The following PDZD2 variants were observed in gnomAD, a reference collection of about 807,000 sequenced individuals.
The protein encoded by PDZD2 is PDZ domain-containing protein 2.
In PDZD2, 90 loss-of-function variants were observed where a neutral mutation model predicts 220.7. The observed-to-expected ratio is 0.41, with a 90% confidence interval of 0.34 to 0.49. PDZD2 has a LOEUF of 0.49. Among genes scored for constraint, PDZD2 ranks in the 20% least tolerant of loss-of-function variants. PDZD2 has a pLI of 0.28. For missense variants in PDZD2, 3,174 were observed against 3,608.5 expected, an observed-to-expected ratio of 0.88 and a Z score of 3.08; for synonymous variants, 1,375 against 1,450.5, an observed-to-expected ratio of 0.95 and a Z score of 1.18.
chr5:31,661,109 G>A (rs1446832128), intron 1 of PDZD2, among the ~76,000 whole-genome samples: 1 of 152,188 alleles, frequency 6.6e-6, no homozygotes, highest in Non-Finnish European at 1.5e-5. Context: ...GGCTTGGAAA[G>A]AAACAAATGA....
chr5:32,106,077 TTC>T (rs1348285798), intron 24 of PDZD2: 5 of 152,236 alleles, frequency 3.3e-5, no homozygotes, highest in African/African-American at 7.2e-5. Context: ...TATACTTTAT[TTC>T]TGTTATTACA....
chr5:31,983,625 C>T lies in PDZD2; in HGVS notation c.947C>T (p.Thr316Met), dbSNP rs779783270. 29 of 1,613,812 alleles carry T rather than the reference C, an allele frequency of 1.8e-5. No individual in the cohort carries two copies. Among genetic ancestry groups the T allele is most frequent in the African/African-American group, 4.0e-5 (3 of 74,904 alleles). Residue 316 changes from threonine to methionine, a missense_variant, in exon 3 of 25, where the codon ACG becomes ATG. By Grantham distance (81) the Thr-to-Met change is moderately conservative. Coordinates refer to ENST00000438447, the MANE Select transcript of PDZD2 (RefSeq NM_178140.4). ...DKRRFSKGGK[T>M]DFQSSDCLAR... ...CGCCGCTTCTCAAAAGGTGGGAAGACGGACTTCCAATCGAGTGACTGCCTG... is the reference window on the plus strand; with the variant it reads ...CGCCGCTTCTCAAAAGGTGGGAAGATGGACTTCCAATCGAGTGACTGCCTG...
intron 2 of PDZD2, among the ~76,000 whole-genome samples, chr5:31,921,566 T>C (rs1253084427): frequency 6.6e-6 from 1 of 151,964 alleles, no homozygotes; most frequent in Non-Finnish European, 1.5e-5. Flanking sequence ...GGTCTGCCCC[T>C]GCGGTCCCGG....
chr5:31,939,903 A>G (rs1180151950), intron 2 of PDZD2, among the ~76,000 whole-genome samples: 1 of 152,214 alleles, frequency 6.6e-6, no homozygotes, highest in Non-Finnish European at 1.5e-5. Flanking sequence ...CCTAGAGGAG[A>G]GGAACAGCCA....
chr5:31,688,428 A>G (rs1329682409), intron 1 of PDZD2, among the ~76,000 whole-genome samples: 1 of 152,190 alleles, frequency 6.6e-6, no homozygotes, highest in African/African-American at 2.4e-5. Flanking sequence ...CAGGCTTTAC[A>G]GTCTCCAGCT....
chr5:31,869,927 A>G (rs1738626998), intron 2 of PDZD2, among the ~76,000 whole-genome samples: 1 of 152,150 alleles, frequency 6.6e-6, no homozygotes. Flanking sequence ...ACAGCTGCTC[A>G]GGAGCCTCTC....
At chr5:32,082,283 A>G (rs955756183) in intron 19 of PDZD2, among the ~76,000 whole-genome samples, 38 of 152,166 alleles carry the variant, frequency 2.5e-4, no homozygotes, top group African/African-American at 8.9e-4. Flanking sequence ...CAGCCTCCCA[A>G]AGTGCTGGGA....
At chr5:32,019,504 T>C (rs948536334) in intron 6 of PDZD2, among the ~76,000 whole-genome samples, 1 of 152,142 alleles carries the variant, frequency 6.6e-6, no homozygotes, top group African/African-American at 2.4e-5. Context: ...CATAATAGAA[T>C]AGGCACACCC....
chr5:32,074,751 G>C (rs573315283), intron 18 of PDZD2, 108 bp downstream of exon 18: 1 of 693,796 alleles, frequency 1.4e-6, no homozygotes, highest in Non-Finnish European at 2.4e-6. Context: ...AAAGGATGAT[G>C]GCTGGAGAAT....
intron 2 of PDZD2, among the ~76,000 whole-genome samples, chr5:31,814,503 A>G (rs1486976708): frequency 1.3e-5 from 2 of 152,194 alleles, no homozygotes; most frequent in Non-Finnish European, 2.9e-5. Context: ...CTGATTGACA[A>G]TTGGTTGAAA....
intron 1 of PDZD2, among the ~76,000 whole-genome samples, chr5:31,715,923 G>A (rs985872233): frequency 6.6e-6 from 1 of 152,196 alleles, no homozygotes; most frequent in African/African-American, 2.4e-5. Flanking sequence ...TGACGTTGAT[G>A]TAGCAAATGT....
At position 32,089,991 on chromosome 5, in the gene PDZD2, A is replaced by G. The variant is rs530948270; in HGVS notation, c.6543A>G (p.Ala2181=). The change falls in exon 20 of 25, where the codon GCA becomes GCG. Residue 2181 remains alanine, a synonymous_variant. Transcript: ENST00000438447. ...CCCTTCAAACAGCCATTAGAAAGGCAGAATACTCCCAGGGAAAATCAAGCC... is the reference window on the plus strand; with the variant it reads ...CCCTTCAAACAGCCATTAGAAAGGCGGAATACTCCCAGGGAAAATCAAGCC... ...SSSLQTAIRK[A]EYSQGKSSLM... 1 of 1,603,508 alleles carries G rather than the reference A, an allele frequency of 6.2e-7. No individual in the cohort carries two copies. Among genetic ancestry groups the G allele is most frequent in the Admixed American group, 1.7e-5 (1 of 59,026 alleles).
intron 1 of PDZD2, among the ~76,000 whole-genome samples, chr5:31,653,745 C>G (rs1043505266): frequency 1.3e-5 from 2 of 152,000 alleles, no homozygotes; most frequent in African/African-American, 2.4e-5. Flanking sequence ...ATGTGGTACC[C>G]CCTTAGATTC....
chr5:31,797,094 A>ATT (rs756548601), intron 1 of PDZD2, among the ~76,000 whole-genome samples: 3,121 of 66,546 alleles, frequency 0.047, 239 homozygotes, highest in African/African-American at 0.059. Context: ...CACCCAGCTA[A>ATT]TTTTTTTTTT....
rs193058312 is a variant in PDZD2 at position 32,029,793 on chromosome 5, C to T, written c.1408-7438C>T. 2.0e-5 allele frequency among the ~76,000 whole-genome samples: 3 copies of T among 152,332 alleles called. No individual in the cohort carries two copies. The East Asian group carries it at 5.8e-4, about 29-fold the overall frequency. On this transcript the variant is annotated intron_variant, in intron 6 of 24. Transcript: ENST00000438447. ...ACAGCCTCTGTCTCTGTTTGCACGC[C>T]ATGCAGAAATGCAAGAGACCCAGGG...
chr5:31,674,196 T>C (rs1178281331), intron 1 of PDZD2, among the ~76,000 whole-genome samples: 1 of 152,176 alleles, frequency 6.6e-6, no homozygotes, highest in Non-Finnish European at 1.5e-5. Context: ...GTCAGGAAGA[T>C]GGCTTAGACC....
At chr5:31,996,553 A>G (rs1751653349) in intron 4 of PDZD2, among the ~76,000 whole-genome samples, 1 of 152,126 alleles carries the variant, frequency 6.6e-6, no homozygotes, top group Admixed American at 6.5e-5. Context: ...TAAACTTACA[A>G]AGACGTGAGC....
At chr5:31,973,308 A>G (rs1035534836) in intron 2 of PDZD2, among the ~76,000 whole-genome samples, 1 of 152,220 alleles carries the variant, frequency 6.6e-6, no homozygotes, top group Admixed American at 6.5e-5. Context: ...TAAGTCATTC[A>G]TGATAGTTCG....
rs545608371 is a variant in PDZD2 at position 32,090,378 on chromosome 5, C to G, written c.6930C>G (p.Asp2310Glu). 9.3e-6 allele frequency: 15 copies of G among 1,614,162 alleles called. No individual in the cohort carries two copies. The South Asian group carries it at 1.6e-4, about 18-fold the overall frequency. ...SVQETSCLVTDKIKVTRRHYC... is the reference protein window; with the variant it reads ...SVQETSCLVTEKIKVTRRHYC... The stretch of plus-strand genomic sequence containing the variant: ...AGGAGACGAGCTGCCTAGTCACAGA[C>G]AAAATCAAAGTCACCAGACGACACT... The change falls in exon 20 of 25, where the codon GAC becomes GAG. Residue 2310 changes from aspartate (D) to glutamate (E), a missense_variant. Around this residue, in one of 4 missense-constraint regions of PDZD2, gnomAD observed 631 missense variants for 789.9 expected, o/e 0.80. Coordinates refer to ENST00000438447, the MANE Select transcript of PDZD2 (RefSeq NM_178140.4). This position sits in a 1 kb window ranked among gnomAD's most constrained non-coding sequence, Gnocchi z 4.3.
Sources: allele counts gnomAD v4.1 joint callset (sites outside exome capture counted in the v4.1 genomes callset), GRCh38; gene constraint gnomAD v4.1.1; regional missense constraint gnomAD v4.1.1; non-coding constraint Gnocchi (gnomAD v3.1); transcripts MANE v1.5; gene names NCBI Gene and HGNC (gene_info 2026-07-23, HGNC 2026-07-21).